Variants in PLCXD3 observed in about 807,000 individuals in gnomAD.
PLCXD3 encodes PI-PLC X domain-containing protein 3.
In PLCXD3, 19 loss-of-function variants were observed where a neutral mutation model predicts 25.5. The ratio of observed to expected loss-of-function variants is 0.75; its 90% confidence interval spans 0.52 to 1.09. The LOEUF (loss-of-function observed/expected upper bound fraction) is 1.09. PLCXD3 is among the 50% of genes least tolerant of loss of function. PLCXD3 has a pLI of 0.00. For synonymous variants in PLCXD3, 174 were observed against 137.6 expected, an observed-to-expected ratio of 1.26 and a Z score of -1.85; for missense variants, 411 against 388.1, an observed-to-expected ratio of 1.06 and a Z score of -0.50.
chr5:41,462,757 C>T lies in PLCXD3; in HGVS notation c.103+47667G>A, dbSNP rs560394114. Among the ~76,000 whole-genome samples, 6 of 151,286 alleles carry T rather than the reference C, an allele frequency of 4.0e-5. No individual in the cohort carries two copies. In the East Asian group the frequency reaches 1.2e-3, roughly 29 times the overall value. On this transcript the variant is annotated intron_variant, in intron 1 of 2. Coordinates refer to ENST00000377801, the MANE Select transcript of PLCXD3 (RefSeq NM_001005473.3). The stretch of plus-strand genomic sequence containing the variant: ...CTGAGATCGCATCATTTCACTCCAG[C>T]CTGGGCAAAAGAATGAAACTCTGTC...
At chr5:41,476,126 T>G (rs1748277656) in intron 1 of PLCXD3, among the ~76,000 whole-genome samples, 1 of 152,184 alleles carries the variant, frequency 6.6e-6, no homozygotes, top group African/African-American at 2.4e-5. Context: ...CATCATAAAA[T>G]AGAGAAATCA....
intron 2 of PLCXD3, among the ~76,000 whole-genome samples, chr5:41,376,981 C>A (rs1240052449): frequency 6.6e-6 from 1 of 152,100 alleles, no homozygotes; most frequent in African/African-American, 2.4e-5. Flanking sequence ...TGGAGTCTCA[C>A]AAATAGCAGG....
chr5:41,403,408 T>TTTTTTTTTTTTTTTTTTTTA (rs1554047966), intron 1 of PLCXD3, among the ~76,000 whole-genome samples: 1 of 26,230 alleles, frequency 3.8e-5, no homozygotes, highest in African/African-American at 1.7e-4. Flanking sequence ...GTTGTTTTTT[T>TTTTTTTTTTTTTTTTTTTTA]TTTTTTTTAT....
chr5:41,453,637 C>T (rs188818600), intron 1 of PLCXD3, among the ~76,000 whole-genome samples: 10 of 151,946 alleles, frequency 6.6e-5, no homozygotes, highest in African/African-American at 2.4e-4. Context: ...AAAATAGTTA[C>T]TTATGTTTTA....
At chr5:41,499,835 C>A (rs1561291738) in intron 1 of PLCXD3, among the ~76,000 whole-genome samples, 1 of 151,720 alleles carries the variant, frequency 6.6e-6, no homozygotes, top group Non-Finnish European at 1.5e-5. Context: ...TAAAACCTCA[C>A]ATATACCATT....
chr5:41,446,986 A>G (rs907370195), intron 1 of PLCXD3, among the ~76,000 whole-genome samples: 3 of 152,240 alleles, frequency 2.0e-5, no homozygotes, highest in Non-Finnish European at 4.4e-5. Flanking sequence ...AATAGCTGCA[A>G]AGGCTATTAA....
intron 2 of PLCXD3, among the ~76,000 whole-genome samples, chr5:41,378,930 G>C (rs185219605): frequency 6.6e-6 from 1 of 152,026 alleles, no homozygotes; most frequent in Non-Finnish European, 1.5e-5. Flanking sequence ...ATTTATCCTT[G>C]AGTAAATTCT....
At chr5:41,349,000 C>T (rs548095374) in intron 2 of PLCXD3, among the ~76,000 whole-genome samples, 192 of 152,178 alleles carry the variant, frequency 1.3e-3, no homozygotes, top group African/African-American at 4.1e-3. Flanking sequence ...CTAAAACCTG[C>T]GATTCAAAAT....
At chr5:41,503,610 A>G (rs1168058603) in intron 1 of PLCXD3, among the ~76,000 whole-genome samples, 1 of 152,132 alleles carries the variant, frequency 6.6e-6, no homozygotes, top group Non-Finnish European at 1.5e-5. Flanking sequence ...GCATAATAAA[A>G]ACATATGGTG....
intron 1 of PLCXD3, among the ~76,000 whole-genome samples, chr5:41,384,213 T>C (rs1745568997): frequency 6.6e-6 from 1 of 152,100 alleles, no homozygotes; most frequent in Admixed American, 6.6e-5. Flanking sequence ...CCTTTCTGAA[T>C]AAGCAAAGCT....
Position 41,470,816 on chromosome 5 carries a change from G to C in PLCXD3, c.103+39608C>G, listed in dbSNP as rs538301108. 9.2e-5 allele frequency among the ~76,000 whole-genome samples: 14 copies of C among 152,264 alleles called. No individual in the cohort carries two copies. The South Asian group carries it at 2.9e-3, about 32-fold the overall frequency. Reference sequence around the variant, plus strand: ...AAAAATACCTTCCACCAAACAACTGGGGAGATGTCTACCTTAGTAAGCAGA... The same window carrying C: ...AAAAATACCTTCCACCAAACAACTGCGGAGATGTCTACCTTAGTAAGCAGA... On this transcript the variant is annotated intron_variant, in intron 1 of 2. Transcript: ENST00000377801.
chr5:41,362,326 A>G (rs1441757634), intron 2 of PLCXD3, among the ~76,000 whole-genome samples: 1 of 152,190 alleles, frequency 6.6e-6, no homozygotes, highest in African/African-American at 2.4e-5. Context: ...AAAAAAAGCA[A>G]CAGAGACTTT....
intron 1 of PLCXD3, among the ~76,000 whole-genome samples, chr5:41,428,265 T>C (rs1165407706): frequency 6.6e-6 from 1 of 152,084 alleles, no homozygotes; most frequent in Admixed American, 6.6e-5. Flanking sequence ...CAGTATCCCT[T>C]GGTATTTATT....
At chr5:41,331,016 T>A (rs1173109009) in intron 2 of PLCXD3, among the ~76,000 whole-genome samples, 1 of 151,866 alleles carries the variant, frequency 6.6e-6, no homozygotes, top group African/African-American at 2.4e-5. Context: ...ACTGGAAGCA[T>A]TCCCTTTGAA....
rs550484113 is a variant in PLCXD3 at position 41,438,481 on chromosome 5, A to G, written c.104-55947T>C. Reference sequence around the variant, plus strand: ...TGGGAGAATGGGGTGGAACCAGGGGAAGTTTGCCCCATTTGCAGAGAGGAG... The same window carrying G: ...TGGGAGAATGGGGTGGAACCAGGGGGAGTTTGCCCCATTTGCAGAGAGGAG... On this transcript the variant is annotated intron_variant, in intron 1 of 2. Transcript: ENST00000377801. Among the ~76,000 whole-genome samples the G allele has an allele frequency of 1.7e-3, 252 of 152,190 alleles. 2 individuals are homozygous for G. The highest frequency in any genetic ancestry group is 2.6e-3 in the Non-Finnish European group (180 of 67,994).
At chr5:41,437,459 G>A (rs1318220568) in intron 1 of PLCXD3, among the ~76,000 whole-genome samples, 1 of 152,254 alleles carries the variant, frequency 6.6e-6, no homozygotes, top group African/African-American at 2.4e-5. Context: ...ATTGTGGGAA[G>A]AGGTGAGGGA....
intron 1 of PLCXD3, among the ~76,000 whole-genome samples, chr5:41,465,875 A>T (rs1034111011): frequency 1.3e-5 from 2 of 152,134 alleles, no homozygotes; most frequent in African/African-American, 4.8e-5. Context: ...CAATTTCAGA[A>T]TATAATCTGC....
At chr5:41,380,512 C>T (rs1477468595) in intron 2 of PLCXD3, among the ~76,000 whole-genome samples, 2 of 152,040 alleles carry the variant, frequency 1.3e-5, no homozygotes, top group Admixed American at 1.3e-4. Flanking sequence ...TTATCTAGCT[C>T]CCCATTGCTC....
intron 1 of PLCXD3, among the ~76,000 whole-genome samples, chr5:41,464,131 G>T (rs1221950522): frequency 6.6e-6 from 1 of 151,870 alleles, no homozygotes; most frequent in Admixed American, 6.6e-5. Flanking sequence ...CAATCATTTA[G>T]TGTGATGGAA....
Sources: gnomAD v4.1 joint callset for allele counts (sites outside exome capture counted in the v4.1 genomes callset) on GRCh38, gnomAD v4.1.1 for gene constraint, MANE v1.5 for transcripts, NCBI Gene and HGNC (gene_info 2026-07-23, HGNC 2026-07-21) for gene names.